Variants in FBXO25 observed in about 807,000 individuals in gnomAD.
FBXO25 encodes the protein F-box protein 25, also known as F-box only protein 25.
A neutral mutation model predicts 51.9 loss-of-function variants in FBXO25; 45 were observed. The observed-to-expected ratio is 0.87, with a 90% confidence interval of 0.68 to 1.11. FBXO25 has a LOEUF of 1.11. Ranked by LOEUF, FBXO25 falls within the 50% of genes most tolerant of loss-of-function variation. The pLI, the probability that FBXO25 is intolerant of heterozygous loss-of-function variation, is 0.00. For missense variants in FBXO25, 507 were observed against 428.5 expected (o/e 1.18, Z -1.62); for synonymous variants, 199 against 151.0 (o/e 1.32, Z -2.33).
At position 471,859 on chromosome 8, in the gene FBXO25, C is replaced by T. The variant is rs1800496708; in HGVS notation, c.*3055C>T. The T allele has an allele frequency of 6.6e-6, 1 of 152,206 alleles. No individual in the cohort carries two copies. The highest frequency in any genetic ancestry group is 1.5e-5 in the Non-Finnish European group (1 of 68,044). 9.4% of individuals were successfully genotyped at this position (152,206 alleles called of 1,614,324 possible). ...TGTGCGTACTGTACAGGGCTGTACA[C>T]AGCAAACTGTGTCTACTTTATGGAA... is the stretch of plus-strand genomic sequence containing the variant. On this transcript the variant is annotated 3_prime_UTR_variant, in exon 10 of 10. Coordinates refer to ENST00000350302, the MANE Select transcript of FBXO25 (RefSeq NM_183420.2).
intron 7 of FBXO25, among the ~76,000 whole-genome samples, chr8:457,767 A>G (rs1799542823): frequency 6.6e-6 from 1 of 152,244 alleles, no homozygotes; most frequent in Admixed American, 6.5e-5. Flanking sequence ...GCATACAAGC[A>G]CAGAACACCA....
intron 9 of FBXO25, chr8:467,748 T>C: frequency 6.2e-7 from 1 of 1,614,072 alleles, no homozygotes; most frequent in Non-Finnish European, 8.5e-7. Flanking sequence ...CTATTCAAGG[T>C]ACTTCCCTGT....
chr8:409,008 T>G (rs1216081975), intron 1 of FBXO25, among the ~76,000 whole-genome samples: 1 of 152,194 alleles, frequency 6.6e-6, no homozygotes, highest in Non-Finnish European at 1.5e-5. Flanking sequence ...GCAATTCACA[T>G]TTTTTAGCTG....
chr8:420,786 A>G (rs1452840040), intron 2 of FBXO25, among the ~76,000 whole-genome samples: 2 of 152,236 alleles, frequency 1.3e-5, no homozygotes, highest in Non-Finnish European at 2.9e-5. Context: ...GAGTTGGGGA[A>G]AAGGAGTTGA....
At chr8:414,864 A>T (rs530232927) in intron 2 of FBXO25, among the ~76,000 whole-genome samples, 1 of 152,284 alleles carries the variant, frequency 6.6e-6, no homozygotes, top group East Asian at 1.9e-4. Flanking sequence ...CAGTACTGGG[A>T]TCCCCCGCCC....
chr8:451,918 T>C (rs1381330607), intron 7 of FBXO25, among the ~76,000 whole-genome samples: 1 of 152,204 alleles, frequency 6.6e-6, no homozygotes, highest in African/African-American at 2.4e-5. Context: ...TCATGTCAGT[T>C]TTTTTGATAT....
chr8:429,254 A>G (rs993467373), intron 2 of FBXO25, among the ~76,000 whole-genome samples: 1 of 152,106 alleles, frequency 6.6e-6, no homozygotes, highest in Non-Finnish European at 1.5e-5. Flanking sequence ...AGCGTGAGGT[A>G]GTATCTCATC....
At chr8:457,490 A>G (rs951216213) in intron 7 of FBXO25, among the ~76,000 whole-genome samples, 8 of 152,142 alleles carry the variant, frequency 5.3e-5, no homozygotes, top group African/African-American at 1.9e-4. Context: ...GGCGTGTGTG[A>G]GGGAGAAATG....
intron 2 of FBXO25, among the ~76,000 whole-genome samples, chr8:429,074 A>T (rs946916095): frequency 1.3e-5 from 2 of 152,032 alleles, no homozygotes; most frequent in African/African-American, 4.8e-5. Context: ...GAATTGTTGG[A>T]TCATATGGTA....
chr8:449,035 C>G (rs557145234), intron 5 of FBXO25, among the ~76,000 whole-genome samples: 58 of 152,302 alleles, frequency 3.8e-4, no homozygotes, highest in African/African-American at 1.4e-3. Flanking sequence ...CATGCTGTGT[C>G]TATACATGTA....
intron 2 of FBXO25, among the ~76,000 whole-genome samples, chr8:426,892 G>C (rs184949159): frequency 2.4e-3 from 361 of 152,250 alleles, no homozygotes; most frequent in African/African-American, 8.0e-3. Context: ...TAAGTGTGTC[G>C]TGTTAGATAT....
intron 2 of FBXO25, among the ~76,000 whole-genome samples, chr8:420,712 A>G (rs1361088832): frequency 2.0e-5 from 3 of 152,274 alleles, no homozygotes; most frequent in Non-Finnish European, 4.4e-5. Context: ...TTCTATCTAA[A>G]GGATGCGCTA....
Position 458,512 on chromosome 8 carries a change from G to T in FBXO25, c.804G>T (p.Leu268=). The T allele has an allele frequency of 6.2e-7, 1 of 1,614,200 alleles. No homozygotes were observed. Among genetic ancestry groups the T allele is most frequent in the South Asian group, 1.1e-5 (1 of 91,068 alleles). ...ATATGCTTAGTGAAGACAGACAGCT[G>T]TGGAAGAAGCTTTGTCAGTACCATT... The part of the protein sequence containing the change: ...TLYMLSEDRQ[L]WKKLCQYHFA... Residue 268 remains leucine (L), a synonymous_variant, in exon 8 of 10, where the codon CTG becomes CTT. Transcript: ENST00000350302.
In FBXO25 at chr8:458,193, C is replaced by G. The variant is rs556975543; in HGVS notation, c.661-176C>G. Among the ~76,000 whole-genome samples, 3 of 152,348 alleles carry G rather than the reference C, an allele frequency of 2.0e-5. No individual in the cohort carries two copies. The South Asian group carries it at 6.2e-4, about 32-fold the overall frequency. On this transcript the variant is annotated intron_variant, in intron 7 of 9. Coordinates refer to ENST00000350302, the MANE Select transcript of FBXO25 (RefSeq NM_183420.2). ...TGCAGCCCTCTCTTGCTCTCCTCCT[C>G]CAGCCTTCCCCACGGTGGTGGATGC...
intron 5 of FBXO25, among the ~76,000 whole-genome samples, chr8:439,453 T>A (rs2116636614): frequency 6.6e-6 from 1 of 152,344 alleles, no homozygotes; most frequent in East Asian, 1.9e-4. Flanking sequence ...AGTTTATATA[T>A]CTAATTTTGG....
chr8:470,751 G>C lies in FBXO25; in HGVS notation c.*1947G>C, dbSNP rs977864033. 2.0e-5 allele frequency: 3 copies of C among 152,132 alleles called. No homozygotes were observed. Among genetic ancestry groups the C allele is most frequent in the African/African-American group, 7.2e-5 (3 of 41,424 alleles). The allele number at this position is 152,132 out of a possible 1,614,324, so 9.4% of individuals were successfully genotyped here. On this transcript the variant is annotated 3_prime_UTR_variant, in exon 10 of 10. Transcript: ENST00000350302. ...AGTTTCCATTATCCCTGAAGCACAGGTATTTCTTTTTCTGTTGGTGCTGTT... is the reference window on the plus strand; with the variant it reads ...AGTTTCCATTATCCCTGAAGCACAGCTATTTCTTTTTCTGTTGGTGCTGTT...
intron 2 of FBXO25, 147 bp downstream of exon 2, chr8:413,360 A>G (rs1398453318): frequency 7.6e-7 from 1 of 1,322,904 alleles, no homozygotes; most frequent in Non-Finnish European, 9.8e-7. Flanking sequence ...TTAGCTAAAA[A>G]ATGAGGCTAG....
intron 9 of FBXO25, chr8:467,941 T>C (rs1298942367): frequency 2.1e-6 from 3 of 1,425,002 alleles, no homozygotes; most frequent in African/African-American, 2.9e-5. Context: ...GTTGATGAAA[T>C]ATTTTGCAGA....
Position 468,749 on chromosome 8 carries a change from A to T in FBXO25, c.1022A>T (p.Asp341Val). 6.2e-7 allele frequency: 1 copy of T among 1,614,000 alleles called. No homozygotes were observed. The highest frequency in any genetic ancestry group is 8.5e-7 in the Non-Finnish European group (1 of 1,180,002). The change falls in exon 10 of 10, where the codon GAC becomes GTC. Residue 341 changes from aspartate to valine, a missense_variant. Asp to Val is a radical substitution (Grantham distance 152). Coordinates refer to ENST00000350302, the MANE Select transcript of FBXO25 (RefSeq NM_183420.2). ...CACCCCTGCACGGCGGCCGACCCTGACAGCTGCTTCACGCCTGTGTCTCCG... is the reference window on the plus strand; with the variant it reads ...CACCCCTGCACGGCGGCCGACCCTGTCAGCTGCTTCACGCCTGTGTCTCCG... Reference protein sequence around the residue: ...SGHPCTAADPDSCFTPVSPQH... With the variant: ...SGHPCTAADPVSCFTPVSPQH...
Sources: allele counts gnomAD v4.1 joint callset (sites outside exome capture counted in the v4.1 genomes callset), GRCh38; gene constraint gnomAD v4.1.1; transcripts MANE v1.5; gene names NCBI Gene and HGNC (gene_info 2026-07-23, HGNC 2026-07-21).